The following RACK1 variants were observed in gnomAD, a reference collection of about 807,000 sequenced individuals.
RACK1 encodes small ribosomal subunit protein RACK1.
RACK1 carries 3 observed loss-of-function variants against 42.2 expected under a neutral mutation model. That is an observed-to-expected ratio of 0.07 (90% CI 0.03 to 0.18). The LOEUF (loss-of-function observed/expected upper bound fraction) is 0.18, where lower values mean the gene tolerates loss of function less well. RACK1 is among the 10% of genes least tolerant of loss of function. The probability of loss-of-function intolerance (pLI) is 1.00; values close to 1 mark genes in which losing one functional copy is unlikely to be tolerated. For synonymous variants in RACK1, 181 were observed against 154.8 expected, an observed-to-expected ratio of 1.17 and a Z score of -1.25; for missense variants, 146 against 403.2, an observed-to-expected ratio of 0.36 and a Z score of 5.46.
intron 1 of RACK1, chr5:181,243,211 A>G: frequency 1.6e-6 from 2 of 1,224,260 alleles, no homozygotes; most frequent in Non-Finnish European, 2.2e-6. Context: ...GAACACAGGG[A>G]TAGGGACGGG....
intron 5 of RACK1, 187 bp downstream of exon 5, chr5:181,238,880 A>AT (rs1272778700): frequency 1.9e-5 from 13 of 667,556 alleles, no homozygotes; most frequent in Non-Finnish European, 3.0e-5. Flanking sequence ...TTTCTTCCAG[A>AT]TAGTATGCCT....
intron 1 of RACK1, 138 bp downstream of exon 1, chr5:181,243,554 A>C (rs1048283863): frequency 3.6e-6 from 5 of 1,400,508 alleles, no homozygotes; most frequent in Middle Eastern, 1.8e-4. Flanking sequence ...CCCAATTCAC[A>C]ATGGGGCAGA....
At position 181,239,666 on chromosome 5, in the gene RACK1, G is replaced by A. The variant is rs73814544; in HGVS notation, c.430-84C>T. 2,004 of 817,496 alleles carry A rather than the reference G, an allele frequency of 2.5e-3. 32 individuals are homozygous for A. In the African/African-American group the frequency reaches 0.031, roughly 13 times the overall value. 50.6% of individuals were successfully genotyped at this position (817,496 alleles called of 1,614,324 possible). A position where few individuals can be genotyped will look rare whatever the true frequency, so the allele number is the denominator to read the frequency against. ...TCCCAGCCCTACCCCTCAGTAGGAT[G>A]ATGGCTGGCAGCACCTTTCAAAAAC... On this transcript the variant is annotated intron_variant, in intron 3 of 7. Transcript: ENST00000512805.
chr5:181,241,672 A>T (rs140616174), intron 2 of RACK1, 33 bp from the exon 3 acceptor site: 2 of 1,610,736 alleles, frequency 1.2e-6, no homozygotes, highest in South Asian at 2.2e-5. Flanking sequence ...TCTCAGACTT[A>T]GCAAACACTC....
intron 7 of RACK1, 162 bp downstream of exon 7, chr5:181,237,447 T>C: frequency 3.0e-6 from 2 of 669,668 alleles, no homozygotes; most frequent in Admixed American, 2.1e-5. Flanking sequence ...CAGAAACACA[T>C]TCACTGGCAT....
chr5:181,242,869 G>T, intron 1 of RACK1: 3 of 329,346 alleles, frequency 9.1e-6, no homozygotes, highest in South Asian at 7.0e-5. Context: ...TGTATCCTGA[G>T]AACTTAATTT....
intron 7 of RACK1, 64 bp from the exon 8 acceptor site, chr5:181,237,106 A>T: frequency 6.2e-7 from 1 of 1,604,426 alleles, no homozygotes; most frequent in South Asian, 1.1e-5. Flanking sequence ...CACTAGATTC[A>T]GCCCAAGTGG....
chr5:181,237,970 A>G (rs1488453221), intron 6 of RACK1, 129 bp downstream of exon 6: 2 of 1,009,036 alleles, frequency 2.0e-6, no homozygotes, highest in Non-Finnish European at 3.0e-6. Context: ...ACTCAGACCA[A>G]AATGTCATTA....
At chr5:181,243,332 G>A in intron 1 of RACK1, 1 of 1,368,432 alleles carries the variant, frequency 7.3e-7, no homozygotes. Context: ...ACAGCCTCTG[G>A]ATTTCAGCAC....
chr5:181,243,866 C>T lies in RACK1; in HGVS notation c.-66G>A. 6.6e-7 allele frequency: 1 copy of T among 1,517,836 alleles called. No homozygotes were observed. Among genetic ancestry groups the T allele is most frequent in the Non-Finnish European group, 8.9e-7 (1 of 1,129,086 alleles). The allele number at this position is 1,517,836 out of a possible 1,614,324, so 94.0% of individuals were successfully genotyped here. A position where few individuals can be genotyped will look rare whatever the true frequency, so the allele number is the denominator to read the frequency against. On this transcript the variant is annotated 5_prime_UTR_variant, in exon 1 of 8. Transcript: ENST00000512805. ...GCACTGGATGGCTTAGAGAAACTAGCACCACAACCTCTCCTGCCGCCGCCT... is the reference window on the plus strand; with the variant it reads ...GCACTGGATGGCTTAGAGAAACTAGTACCACAACCTCTCCTGCCGCCGCCT...
At chr5:181,240,707 T>A (rs2546406) in intron 3 of RACK1, among the ~76,000 whole-genome samples, 22,465 of 149,518 alleles carry the variant, frequency 0.15, 3,015 homozygotes, top group African/African-American at 0.36. Context: ...ATAAATAAAA[T>A]TTTGTTTAAA....
chr5:181,243,409 C>G, intron 1 of RACK1: 12 of 1,458,306 alleles, frequency 8.2e-6, no homozygotes, highest in South Asian at 1.1e-5. Context: ...GGCCACACTA[C>G]GAAGGAGAAG....
At chr5:181,242,426 G>A in intron 1 of RACK1, 81 bp from the exon 2 acceptor site, 1 of 925,312 alleles carries the variant, frequency 1.1e-6, no homozygotes. Flanking sequence ...TAAGTGTCAA[G>A]GTCATGAGTG....
At position 181,236,932 on chromosome 5, in the gene RACK1, G is replaced by C; in HGVS notation, c.*45C>G. 1 of 1,555,998 alleles carries C rather than the reference G, an allele frequency of 6.4e-7. No individual in the cohort carries two copies. The highest frequency in any genetic ancestry group is 1.5e-5 in the African/African-American group (1 of 66,262). ...ATAAGAAAAAAAAACCTAAAAGTCA[G>C]AAAAGCCAGTTTTTTTTTTATTTGT... On this transcript the variant is annotated 3_prime_UTR_variant, in exon 8 of 8. Coordinates refer to ENST00000512805, the MANE Select transcript of RACK1 (RefSeq NM_006098.5).
At position 181,239,181 on chromosome 5, in the gene RACK1, CAT is replaced by C; in HGVS notation, c.526-6_526-5del. 2 of 1,586,386 alleles carry C rather than the reference CAT, an allele frequency of 1.3e-6. No individual in the cohort carries two copies. The highest frequency in any genetic ancestry group is 1.7e-6 in the Non-Finnish European group (2 of 1,154,656). On this transcript the variant is annotated splice_region_variant and splice_polypyrimidine_tract_variant and intron_variant, in intron 4 of 7. Coordinates refer to ENST00000512805, the MANE Select transcript of RACK1 (RefSeq NM_006098.5). Reference sequence around the variant, plus strand: ...TGCAGTTAGCCAGGTTCCATACCTGCATAGACGTGCGGTTGACAGGTGAACAT... The same window carrying C: ...TGCAGTTAGCCAGGTTCCATACCTGCAGACGTGCGGTTGACAGGTGAACAT...
intron 2 of RACK1, 114 bp downstream of exon 2, chr5:181,242,060 G>C: frequency 1.1e-6 from 1 of 946,296 alleles, no homozygotes; most frequent in Non-Finnish European, 1.7e-6. Flanking sequence ...GGTGTGCTCT[G>C]CTTTCCAGTT....
Position 181,237,243 on chromosome 5 carries a change from T to A in RACK1, c.889-201A>T, listed in dbSNP as rs144556095. On this transcript the variant is annotated intron_variant, in intron 7 of 7. Transcript: ENST00000512805. Reference sequence around the variant, plus strand: ...CTCCCACCTCAGCCTCCAGTAGGCATGTGCCACAACGCCGGGTAGACTGTA... The same window carrying A: ...CTCCCACCTCAGCCTCCAGTAGGCAAGTGCCACAACGCCGGGTAGACTGTA... 6.9e-6 allele frequency: 7 copies of A among 1,017,632 alleles called. No homozygotes were observed. The African/African-American group carries it at 9.6e-5, about 14-fold the overall frequency. 63.0% of individuals were successfully genotyped at this position (1,017,632 alleles called of 1,614,324 possible).
intron 3 of RACK1, among the ~76,000 whole-genome samples, chr5:181,240,060 A>G (rs1207434047): frequency 1.3e-5 from 2 of 151,258 alleles, no homozygotes; most frequent in South Asian, 2.1e-4. Flanking sequence ...AAAAAAATAT[A>G]ATAATAATAA....
Position 181,238,835 on chromosome 5 carries a change from C to CA in RACK1, c.636+231dup, listed in dbSNP as rs911013530. On this transcript the variant is annotated intron_variant, in intron 5 of 7. Transcript: ENST00000512805. ...AAAAAACAAACAAACAAAAAAACAA[C>CA]AAAAAAAACCCACAGGCTTATAGAA... 4,301 of 500,216 alleles carry CA rather than the reference C, an allele frequency of 8.6e-3. 27 individuals are homozygous for CA. Among genetic ancestry groups the CA allele is most frequent in the Non-Finnish European group, 0.013 (3,462 of 274,290 alleles). The allele number at this position is 500,216 out of a possible 1,614,324, so 31.0% of individuals were successfully genotyped here.
Sources: gnomAD v4.1 joint callset for allele counts (sites outside exome capture counted in the v4.1 genomes callset) on GRCh38, gnomAD v4.1.1 for gene constraint, MANE v1.5 for transcripts, NCBI Gene and HGNC (gene_info 2026-07-23, HGNC 2026-07-21) for gene names.